The following HSPA14 variants were observed in gnomAD, a reference collection of about 807,000 sequenced individuals.
The protein encoded by HSPA14 is heat shock 70 kDa protein 14.
Under a neutral mutation model 65.5 loss-of-function variants are expected in HSPA14, and 37 were observed. The observed-to-expected ratio is 0.56, with a 90% confidence interval of 0.43 to 0.74. The LOEUF (loss-of-function observed/expected upper bound fraction) is 0.74. HSPA14 is among the 30% of genes least tolerant of loss of function. The probability of loss-of-function intolerance (pLI) is 0.00; values close to 1 mark genes in which losing one functional copy is unlikely to be tolerated. For missense variants in HSPA14, 564 were observed against 607.6 expected (o/e 0.93, Z 0.75); for synonymous variants, 203 against 214.2 (o/e 0.95, Z 0.46).
chr10:14,854,309 A>T (rs767496076), intron 9 of HSPA14, 29 bp downstream of exon 9: 15 of 1,539,530 alleles, frequency 9.7e-6, no homozygotes, highest in Middle Eastern at 1.7e-4. Context: ...AAACTTTTTT[A>T]AAAAATTCCA....
At chr10:14,870,219 A>G (rs1303754322) in intron 12 of HSPA14, among the ~76,000 whole-genome samples, 2 of 151,476 alleles carry the variant, frequency 1.3e-5, no homozygotes, top group Admixed American at 6.6e-5. Flanking sequence ...TTTTTTAAGT[A>G]TATATAGAAA....
At chr10:14,859,186 C>G (rs923286790) in intron 10 of HSPA14, among the ~76,000 whole-genome samples, 1 of 152,124 alleles carries the variant, frequency 6.6e-6, no homozygotes, top group African/African-American at 2.4e-5. Context: ...TATGTGTTGA[C>G]GACCTCCCTC....
rs755017045 is a variant in HSPA14, at chr10:14,870,587, G to A, written c.1381-10G>A. ...GCTGAATTCTCTTCATATTGTTCTT[G>A]TATAAACAGGTTGTACTCCAGGATT... On this transcript the variant is annotated splice_polypyrimidine_tract_variant and intron_variant, in intron 12 of 13. Transcript: ENST00000378372. 43 of 1,581,438 alleles carry A rather than the reference G, an allele frequency of 2.7e-5. No homozygotes were observed. Among genetic ancestry groups the A allele is most frequent in the Non-Finnish European group, 3.7e-5 (43 of 1,159,426 alleles).
In HSPA14 at chr10:14,860,345, T is replaced by C. The variant is rs759717766; in HGVS notation, c.993+4402T>C. On this transcript the variant is annotated intron_variant, in intron 10 of 13. Transcript: ENST00000378372. Reference sequence around the variant, plus strand: ...GGATACAGTAGTAGCTATGGCAAAGTCTTTGCCTTCATAGAACGAACAATA... The same window carrying C: ...GGATACAGTAGTAGCTATGGCAAAGCCTTTGCCTTCATAGAACGAACAATA... 4.1e-4 allele frequency among the ~76,000 whole-genome samples: 62 copies of C among 152,206 alleles called. 2 individuals carry two copies. Among genetic ancestry groups the C allele is most frequent in the Admixed American group, 3.8e-3 (58 of 15,274 alleles).
Position 14,867,932 on chromosome 10 carries a change from A to G in HSPA14, c.1380+23A>G, listed in dbSNP as rs760614020. ...CAGGTGAATACATAAAGTTAGACAC[A>G]TTAAACTGTTCAACTTTGCTTTCTG... On this transcript the variant is annotated intron_variant, in intron 12 of 13. Transcript: ENST00000378372. 13 of 1,585,208 alleles carry G rather than the reference A, an allele frequency of 8.2e-6. No individual in the cohort carries two copies. In the South Asian group the frequency reaches 1.5e-4, roughly 18 times the overall value.
At chr10:14,869,391 G>T (rs1832835640) in intron 12 of HSPA14, among the ~76,000 whole-genome samples, 1 of 151,760 alleles carries the variant, frequency 6.6e-6, no homozygotes, top group Non-Finnish European at 1.5e-5. Context: ...CCACCTCCCG[G>T]GTTCAACTGA....
intron 10 of HSPA14, among the ~76,000 whole-genome samples, chr10:14,859,847 A>G (rs1367707132): frequency 6.6e-6 from 1 of 152,228 alleles, no homozygotes; most frequent in East Asian, 1.9e-4. Flanking sequence ...TTGCAATTTT[A>G]AAGTTCTCTT....
intron 10 of HSPA14, among the ~76,000 whole-genome samples, chr10:14,864,153 C>T (rs1451966010): frequency 3.3e-5 from 5 of 149,962 alleles, no homozygotes; most frequent in Admixed American, 2.7e-4. Flanking sequence ...CGCTGGAGCC[C>T]AGGAATTTGA....
intron 6 of HSPA14, among the ~76,000 whole-genome samples, chr10:14,850,443 G>T (rs1244436307): frequency 6.6e-6 from 1 of 152,326 alleles, no homozygotes. Flanking sequence ...GAAAATATTT[G>T]TGCTTATTTC....
intron 13 of HSPA14, 78 bp from the exon 14 acceptor site, chr10:14,871,450 C>T (rs987913570): frequency 6.3e-6 from 5 of 798,318 alleles, no homozygotes; most frequent in Admixed American, 2.4e-5. Flanking sequence ...TACTGAAAGC[C>T]CTCAAGTAAC....
At chr10:14,870,414 A>G (rs534780702) in intron 12 of HSPA14, among the ~76,000 whole-genome samples, 183 bp from the exon 13 acceptor site, 4 of 152,168 alleles carry the variant, frequency 2.6e-5, no homozygotes, top group Non-Finnish European at 5.9e-5. Context: ...AAACATTTCA[A>G]GTTAACAAAG....
chr10:14,870,462 G>A (rs569922094), intron 12 of HSPA14, 135 bp from the exon 13 acceptor site: 12 of 896,346 alleles, frequency 1.3e-5, no homozygotes, highest in Non-Finnish European at 2.0e-5. Flanking sequence ...TCAGTGGTAG[G>A]AGAATTGAAA....
chr10:14,858,188 A>C (rs1832724074), intron 10 of HSPA14, among the ~76,000 whole-genome samples: 1 of 152,230 alleles, frequency 6.6e-6, no homozygotes, highest in African/African-American at 2.4e-5. Context: ...GGTTGCTACA[A>C]GGGTTAAATG....
intron 3 of HSPA14, among the ~76,000 whole-genome samples, chr10:14,840,992 G>A (rs1276843795): frequency 6.6e-6 from 1 of 152,136 alleles, no homozygotes; most frequent in Non-Finnish European, 1.5e-5. Flanking sequence ...TCGGCCCCAG[G>A]TTCTTTTCTT....
chr10:14,867,292 T>TA lies in HSPA14; in HGVS notation c.1205dup (p.Val404CysfsTer8). Reference sequence around the variant, plus strand: ...AGTGTTCAGCCAGAGATATTTTAGTTAAGGTATGTTTAGCTTTTGTATACT... The same window carrying TA: ...AGTGTTCAGCCAGAGATATTTTAGTTAAAGGTATGTTTAGCTTTTGTATACT... On this transcript the variant is annotated frameshift_variant, in exon 11 of 14. Coordinates refer to ENST00000378372, the MANE Select transcript of HSPA14 (RefSeq NM_016299.4). LOFTEE classifies it high-confidence loss of function. The TA allele has an allele frequency of 6.2e-7, 1 of 1,608,930 alleles. No individual in the cohort carries two copies. Among genetic ancestry groups the TA allele is most frequent in the Non-Finnish European group, 8.5e-7 (1 of 1,175,478 alleles).
intron 3 of HSPA14, among the ~76,000 whole-genome samples, chr10:14,841,515 G>C (rs764334794): frequency 6.6e-6 from 1 of 152,100 alleles, no homozygotes; most frequent in Non-Finnish European, 1.5e-5. Context: ...CAAAATTATA[G>C]TACAGTGTCA....
chr10:14,848,925 C>G, intron 5 of HSPA14, 30 bp downstream of exon 5: 1 of 1,124,502 alleles, frequency 8.9e-7, no homozygotes, highest in Non-Finnish European at 1.3e-6. Context: ...TAATAGTTAC[C>G]TTTAATGATC....
chr10:14,842,341 T>C lies in HSPA14; in HGVS notation c.221+2184T>C. On this transcript the variant is annotated intron_variant, in intron 3 of 13. Transcript: ENST00000378372. This position sits in a 1 kb window ranked among gnomAD's most constrained non-coding sequence, Gnocchi z 5.2. ...GGTGGTCCAGACAGGAGACACGAAC[T>C]CTTCTCTCCATACTAGGCGAGGCAG... 6.5e-7 allele frequency: 1 copy of C among 1,536,082 alleles called. No homozygotes were observed. The highest frequency in any genetic ancestry group is 2.4e-5 in the East Asian group (1 of 40,908).
At chr10:14,867,487 T>C (rs931706132) in intron 11 of HSPA14, among the ~76,000 whole-genome samples, 192 bp downstream of exon 11, 1 of 152,204 alleles carries the variant, frequency 6.6e-6, no homozygotes, top group Non-Finnish European at 1.5e-5. Flanking sequence ...TTAGTTAATA[T>C]TTCTCTAACC....
Sources: gnomAD v4.1 joint callset for allele counts (sites outside exome capture counted in the v4.1 genomes callset) on GRCh38, gnomAD v4.1.1 for gene constraint, Gnocchi (gnomAD v3.1) non-coding constraint, MANE v1.5 for transcripts, NCBI Gene and HGNC (gene_info 2026-07-23, HGNC 2026-07-21) for gene names.